The following ATAD2B variants were observed in gnomAD, a reference collection of about 807,000 sequenced individuals.
ATAD2B encodes the protein ATPase family AAA domain containing 2B, also known as ATPase family AAA domain-containing protein 2B.
ATAD2B carries 40 observed loss-of-function variants against 167.6 expected under a neutral mutation model. The ratio of observed to expected loss-of-function variants is 0.24; its 90% CI spans 0.19 to 0.31. ATAD2B has a LOEUF of 0.31. Ranked by LOEUF, ATAD2B falls within the 10% of genes least tolerant of loss-of-function variation. The pLI, the probability that ATAD2B is intolerant of heterozygous loss-of-function variation, is 1.00. For missense variants in ATAD2B, 1,242 were observed against 1,757.2 expected, an observed-to-expected ratio of 0.71 and a Z score of 5.24; for synonymous variants, 579 against 596.5, an observed-to-expected ratio of 0.97 and a Z score of 0.43.
intron 4 of ATAD2B, among the ~76,000 whole-genome samples, chr2:23,887,373 TTATTTTA>T: frequency 1.3e-5 from 2 of 152,282 alleles, no homozygotes; most frequent in South Asian, 2.1e-4. Context: ...TTAGCAATTT[TTATTTTA>T]TATTTTAAAC....
At chr2:23,914,136 A>G (rs1702689812) in intron 1 of ATAD2B, among the ~76,000 whole-genome samples, 1 of 152,212 alleles carries the variant, frequency 6.6e-6, no homozygotes, top group Non-Finnish European at 1.5e-5. Flanking sequence ...ATAAGCATAA[A>G]CAGACCAACA....
At chr2:23,904,171 C>T (rs959934656) in intron 1 of ATAD2B, among the ~76,000 whole-genome samples, 2 of 151,728 alleles carry the variant, frequency 1.3e-5, no homozygotes, top group African/African-American at 2.4e-5. Context: ...TCATAGGTAA[C>T]GTACAGAGTA....
chr2:23,787,757 A>C (rs1021608952), intron 20 of ATAD2B, among the ~76,000 whole-genome samples: 1 of 152,108 alleles, frequency 6.6e-6, no homozygotes, highest in Non-Finnish European at 1.5e-5. Context: ...GAGGCTTAAA[A>C]ATTTTTACCA....
At position 23,823,378 on chromosome 2, in the gene ATAD2B, A is replaced by C. The variant is rs778311633; in HGVS notation, c.2011T>G (p.Ser671Ala). Residue 671 changes from serine to alanine, a missense_variant, in exon 16 of 28, where the codon TCA becomes GCA. Ser to Ala is a moderately conservative substitution (Grantham distance 99, BLOSUM62 1). This residue lies in a region of ATAD2B where 145 missense variants were observed against 181.9 expected (regional missense o/e 0.80). Transcript: ENST00000238789. ...ATGATGGGGGATAGTGCATGCCCTG[A>C]AGACATCACAGCACGTTGGGAAGCA... ...VPASQRAVMS[S>A]GHALSPIIRP... The C allele has an allele frequency of 6.2e-7, 1 of 1,613,988 alleles. No individual in the cohort carries two copies. Among genetic ancestry groups the C allele is most frequent in the East Asian group, 2.2e-5 (1 of 44,884 alleles).
At chr2:23,802,643 A>G (rs1250278936) in intron 18 of ATAD2B, among the ~76,000 whole-genome samples, 1 of 152,136 alleles carries the variant, frequency 6.6e-6, no homozygotes, top group Admixed American at 6.6e-5. Flanking sequence ...ACTCAAAAAA[A>G]AAAAAAATTT....
intron 13 of ATAD2B, among the ~76,000 whole-genome samples, chr2:23,837,527 A>G (rs558130237): frequency 2.0e-5 from 3 of 152,076 alleles, no homozygotes; most frequent in Non-Finnish European, 4.4e-5. Flanking sequence ...ACCGACTCAA[A>G]AGGGGTGGGA....
chr2:23,783,343 G>C (rs2149392748), intron 21 of ATAD2B, among the ~76,000 whole-genome samples: 1 of 148,418 alleles, frequency 6.7e-6, no homozygotes, highest in Middle Eastern at 3.5e-3. Context: ...ATGGGCAAAA[G>C]TTCCCAATGA....
chr2:23,914,189 T>C (rs1205975968), intron 1 of ATAD2B, among the ~76,000 whole-genome samples: 1 of 152,144 alleles, frequency 6.6e-6, no homozygotes, highest in African/African-American at 2.4e-5. Context: ...GAGAACTTAA[T>C]GTATTACAAA....
the ATAD2B span, among the ~76,000 whole-genome samples, chr2:23,687,401 T>C: frequency 6.6e-6 from 1 of 152,154 alleles, no homozygotes; most frequent in Admixed American, 6.5e-5. Context: ...CACCCAAGCC[T>C]GGCAAGGACG....
chr2:23,792,963 A>AAT (rs1491492665), intron 19 of ATAD2B, among the ~76,000 whole-genome samples: 4,785 of 38,290 alleles, frequency 0.12, 179 homozygotes, highest in Middle Eastern at 0.2. Flanking sequence ...ACTCTGTCTC[A>AAT]AAAAAAAAAA....
In ATAD2B at chr2:23,867,893, T is replaced by C. The variant is rs1695381421; in HGVS notation, c.1130A>G (p.Glu377Gly). The C allele has an allele frequency of 6.2e-7, 1 of 1,613,892 alleles. No homozygotes were observed. Among genetic ancestry groups the C allele is most frequent in the Non-Finnish European group, 8.5e-7 (1 of 1,179,862 alleles). The change falls in exon 10 of 28, where the codon GAA becomes GGA. Residue 377 changes from glutamate to glycine, a missense_variant. Glu to Gly is a moderately conservative substitution (Grantham distance 98). Coordinates refer to ENST00000238789, the MANE Select transcript of ATAD2B (RefSeq NM_017552.4). ...AEDLASGILR[E>G]RVKVGASLAD... is the part of the protein sequence containing the mutation. ...CAAGCTTGCACCCACTTTCACTCGT[T>C]CTCGGAGAATACCGCTAGCTAAGTC...
In ATAD2B at chr2:23,872,548, C is replaced by T. The variant is rs544381150; in HGVS notation, c.978-2787G>A. On this transcript the variant is annotated intron_variant, in intron 8 of 27. Coordinates refer to ENST00000238789, the MANE Select transcript of ATAD2B (RefSeq NM_017552.4). The stretch of plus-strand genomic sequence containing the variant: ...TCTGGCTTTGAGAGTCCTTCAGACT[C>T]TCACAGGAGGGTAGCTGATCCTCCG... The T allele has an allele frequency of 2.6e-5, 26 of 1,006,592 alleles. No individual in the cohort carries two copies. The African/African-American group carries it at 3.9e-4, about 15-fold the overall frequency. The allele number at this position is 1,006,592 out of a possible 1,614,324, so 62.4% of individuals were successfully genotyped here.
chr2:23,820,457 A>C (rs1687269384), intron 16 of ATAD2B, among the ~76,000 whole-genome samples: 4 of 151,958 alleles, frequency 2.6e-5, no homozygotes, highest in African/African-American at 7.2e-5. Flanking sequence ...CAGGGAACTA[A>C]CTGGAACTAA....
intron 15 of ATAD2B, among the ~76,000 whole-genome samples, chr2:23,826,774 A>G (rs372305467): frequency 6.6e-6 from 1 of 152,200 alleles, no homozygotes; most frequent in Non-Finnish European, 1.5e-5. Context: ...TTCATTAATC[A>G]TAAGTTTCCT....
intron 8 of ATAD2B, among the ~76,000 whole-genome samples, 198 bp downstream of exon 8, chr2:23,875,631 A>G (rs1696711611): frequency 1.3e-5 from 2 of 152,168 alleles, no homozygotes; most frequent in African/African-American, 2.4e-5. Flanking sequence ...CTTAGATTCA[A>G]CTCTGCTAAG....
At chr2:23,794,612 C>T (rs1318465957) in intron 19 of ATAD2B, among the ~76,000 whole-genome samples, 1 of 152,000 alleles carries the variant, frequency 6.6e-6, no homozygotes, top group African/African-American at 2.4e-5. Flanking sequence ...ATTCTCATTA[C>T]TATATGCATA....
At chr2:23,724,722 T>C in the ATAD2B span, among the ~76,000 whole-genome samples, 2 of 152,062 alleles carry the variant, frequency 1.3e-5, no homozygotes, top group South Asian at 4.2e-4. Flanking sequence ...AGTGGCCAAA[T>C]ATCAAGACAG....
At chr2:23,734,621 T>G in the ATAD2B span, among the ~76,000 whole-genome samples, 9 of 152,062 alleles carry the variant, frequency 5.9e-5, no homozygotes, top group Admixed American at 4.6e-4. Flanking sequence ...AAGAGAGAGA[T>G]AAGTGGGAGG....
intron 17 of ATAD2B, among the ~76,000 whole-genome samples, chr2:23,815,917 A>G (rs1686368701): frequency 6.6e-6 from 1 of 152,176 alleles, no homozygotes; most frequent in South Asian, 2.1e-4. Flanking sequence ...TTATTATTTT[A>G]CTGAATGTCT....
Sources: gnomAD v4.1 joint callset for allele counts (sites outside exome capture counted in the v4.1 genomes callset) on GRCh38, gnomAD v4.1.1 for gene constraint, gnomAD v4.1.1 regional missense constraint, MANE v1.5 for transcripts, NCBI Gene and HGNC (gene_info 2026-07-23, HGNC 2026-07-21) for gene names.